CYP2D6: variants seen among roughly 807,000 people sequenced by gnomAD.
CYP2D6 encodes cytochrome P450 2D6.
A neutral mutation model predicts 43.5 loss-of-function variants in CYP2D6; 51 were observed. The observed-to-expected ratio is 1.17, with a 90% CI of 0.94 to 1.48. The LOEUF is 1.48. CYP2D6 is among the 40% of genes most tolerant of loss of function. The pLI is 0.00. For synonymous variants in CYP2D6, 346 were observed against 297.1 expected, an observed-to-expected ratio of 1.16 and a Z score of -1.69; for missense variants, 698 against 688.0, an observed-to-expected ratio of 1.01 and a Z score of -0.16.
chr22:42,127,543 C>T lies in CYP2D6; in HGVS notation c.1077G>A (p.Val359=), dbSNP rs775916878. 20 of 1,612,202 alleles carry T rather than the reference C, an allele frequency of 1.2e-5. No homozygotes were observed. The highest frequency in any genetic ancestry group is 1.7e-5 in the Non-Finnish European group (20 of 1,178,720). Residue 359 remains valine, a synonymous_variant, in exon 7 of 9, where the codon GTG becomes GTA. Transcript: ENST00000645361. Reference sequence around the variant, plus strand: ...CCCCAAAGCGCTGCACCTCATGAATCACGGCAGTGGTGTAGGGCATGTGAG... The same window carrying T: ...CCCCAAAGCGCTGCACCTCATGAATTACGGCAGTGGTGTAGGGCATGTGAG... ...DQAHMPYTTA[V]IHEVQRFGDI... is the part of the protein sequence containing the mutation.
rs267608295 is a variant in CYP2D6, at chr22:42,127,593, G to A, written c.1027C>T (p.Arg343Trp). Residue 343 changes from arginine to tryptophan, a missense_variant, in exon 7 of 9, where the codon CGG becomes TGG. Physicochemically the swap from Arg to Trp is moderately radical, Grantham distance 101. This residue lies in a region of CYP2D6 where 588 missense variants were observed against 521.1 expected (regional missense o/e 1.13). Coordinates refer to ENST00000645361, the MANE Select transcript of CYP2D6 (RefSeq NM_000106.6). ...QEIDDVIGQVRRPEMGDQAHM... is the reference protein window; with the variant it reads ...QEIDDVIGQVWRPEMGDQAHM... ...GCCTGGTCACCCATCTCTGGTCGCC[G>A]CACCTGCCCTATCACGTCGTCGATC... The A allele has an allele frequency of 3.0e-5, 48 of 1,611,916 alleles. No homozygotes were observed. Among genetic ancestry groups the A allele is most frequent in the South Asian group, 2.9e-4 (26 of 90,926 alleles).
At chr22:42,128,401 T>G in intron 4 of CYP2D6, 51 bp from the exon 5 acceptor site, 1 of 1,590,718 alleles carries the variant, frequency 6.3e-7, no homozygotes, top group Non-Finnish European at 8.6e-7. Context: ...TGCGTTCACC[T>G]GGACAAGTCT....
At chr22:42,128,016 A>G in intron 5 of CYP2D6, 33 bp from the exon 6 acceptor site, 1 of 1,611,108 alleles carries the variant, frequency 6.2e-7, no homozygotes. Context: ...TCGGGACAGA[A>G]CGGGGTAGCC....
rs267608300 is a variant in CYP2D6 at position 42,128,500 on chromosome 22, C to T, written c.667-150G>A. On this transcript the variant is annotated intron_variant, in intron 4 of 8. Coordinates refer to ENST00000645361, the MANE Select transcript of CYP2D6 (RefSeq NM_000106.6). The stretch of plus-strand genomic sequence containing the variant: ...TCCCTCCCCAAGTGCCAGCCTCCAC[C>T]CTCTCTCCTTGCCCAGAGGAGAAAC... 4,568 of 1,013,822 alleles carry T rather than the reference C, an allele frequency of 4.5e-3. 131 individuals carry two copies. The highest frequency in any genetic ancestry group is 5.7e-3 in the Non-Finnish European group (3,715 of 655,726). The allele number at this position is 1,013,822 out of a possible 1,614,324, so 62.8% of individuals were successfully genotyped here. A position where few individuals can be genotyped will look rare whatever the true frequency, so the allele number is the denominator to read the frequency against.
chr22:42,128,028 C>G, intron 5 of CYP2D6, 45 bp from the exon 6 acceptor site: 1 of 1,610,304 alleles, frequency 6.2e-7, no homozygotes. Context: ...GGGGTAGCCC[C>G]CAAATGACCT....
chr22:42,129,416 G>T, intron 2 of CYP2D6: 1 of 777,474 alleles, frequency 1.3e-6, no homozygotes. Context: ...GACCCCGCGG[G>T]CCCCGCGCCA....
At chr22:42,129,615 G>C in intron 2 of CYP2D6, 123 bp downstream of exon 2, 1 of 1,344,416 alleles carries the variant, frequency 7.4e-7, no homozygotes, top group South Asian at 1.2e-5. Flanking sequence ...TTCTTGGCCC[G>C]CTGTCCCCAC....
Position 42,128,767 on chromosome 22 carries a change from G to A in CYP2D6, c.666+17C>T, listed in dbSNP as rs762513657. ...GGAGCTCGCCCTGCAGAGACTCCTCGGTCTCTCGCTCCGCACCTCGCGCAG... is the reference window on the plus strand; with the variant it reads ...GGAGCTCGCCCTGCAGAGACTCCTCAGTCTCTCGCTCCGCACCTCGCGCAG... On this transcript the variant is annotated intron_variant, in intron 4 of 8. Coordinates refer to ENST00000645361, the MANE Select transcript of CYP2D6 (RefSeq NM_000106.6). 21 of 1,565,032 alleles carry A rather than the reference G, an allele frequency of 1.3e-5. No homozygotes were observed. Among genetic ancestry groups the A allele is most frequent in the South Asian group, 1.0e-4 (9 of 87,506 alleles).
intron 2 of CYP2D6, chr22:42,129,400 A>G: frequency 1.2e-6 from 1 of 818,966 alleles, no homozygotes; most frequent in Non-Finnish European, 2.0e-6. Flanking sequence ...CTTTGCACTC[A>G]GGGAAGACCC....
chr22:42,129,533 G>C, intron 2 of CYP2D6: 2 of 777,522 alleles, frequency 2.6e-6, no homozygotes, highest in South Asian at 3.3e-5. Flanking sequence ...GCCAGGTCTC[G>C]GCAGTGGCCC....
At chr22:42,128,761 C>G in intron 4 of CYP2D6, 23 bp downstream of exon 4, 1 of 1,596,526 alleles carries the variant, frequency 6.3e-7, no homozygotes, top group Non-Finnish European at 8.5e-7. Context: ...CCTGCAGAGA[C>G]TCCTCGGTCT....
intron 2 of CYP2D6, chr22:42,129,469 CTTCGACACCGGA>C (rs1289671740): frequency 2.7e-6 from 2 of 729,016 alleles, no homozygotes; most frequent in African/African-American, 3.5e-5. Context: ...CCGCCCCCCA[CTTCGACACCGGA>C]TTCCAGCTGG....
In CYP2D6 at chr22:42,128,209, C is replaced by G. The variant is rs1324411980; in HGVS notation, c.808G>C (p.Asp270His). Residue 270 changes from aspartate (D) to histidine (H), a missense_variant, in exon 5 of 9, where the codon GAC (aspartate) becomes CAC (histidine). Asp to His is a moderately conservative substitution (Grantham distance 81, BLOSUM62 -1). Transcript: ENST00000645361. ...TCTGCCAGGAAGGCCTCAGTCAGGT[C>G]TCGGGGGGGCTGGGCTGGGTCCCAG... ...MTWDPAQPPR[D>H]LTEAFLAEME... The G allele has an allele frequency of 6.2e-7, 1 of 1,609,388 alleles. No individual in the cohort carries two copies. The highest frequency in any genetic ancestry group is 8.5e-7 in the Non-Finnish European group (1 of 1,177,598).
chr22:42,129,769 G>T lies in CYP2D6; in HGVS notation c.321C>A (p.Thr107=). Residue 107 remains threonine (T), a synonymous_variant, in exon 2 of 9, where the codon ACC becomes ACA. Transcript: ENST00000645361. ...DTADRPPVPI[T]QILGFGPRSQ... ...AACGCGGCCCGAAACCCAGGATCTGGGTGATGGGCACAGGCGGGCGGTCGG... is the reference window on the plus strand; with the variant it reads ...AACGCGGCCCGAAACCCAGGATCTGTGTGATGGGCACAGGCGGGCGGTCGG... The T allele has an allele frequency of 2.5e-6, 4 of 1,609,734 alleles. No individual in the cohort carries two copies. Among genetic ancestry groups the T allele is most frequent in the Non-Finnish European group, 3.4e-6 (4 of 1,178,110 alleles).
intron 2 of CYP2D6, chr22:42,129,476 A>T: frequency 1.4e-6 from 1 of 721,056 alleles, no homozygotes; most frequent in Non-Finnish European, 2.4e-6. Flanking sequence ...CCACTTCGAC[A>T]CCGGATTCCA....
intron 4 of CYP2D6, 152 bp downstream of exon 4, chr22:42,128,632 C>G (rs1931395043): frequency 4.2e-6 from 4 of 956,542 alleles, no homozygotes; most frequent in Non-Finnish European, 6.5e-6. Context: ...GAGATGTCCC[C>G]TCCTCCTCCA....
In CYP2D6 at chr22:42,129,292, T is replaced by G. The variant is rs975260299; in HGVS notation, c.353-107A>C. The G allele has an allele frequency of 1.1e-4, 152 of 1,407,666 alleles. 2 individuals are homozygous for G. Among genetic ancestry groups the G allele is most frequent in the Non-Finnish European group, 1.4e-4 (144 of 1,024,118 alleles). The allele number at this position is 1,407,666 out of a possible 1,614,324, so 87.2% of individuals were successfully genotyped here. On this transcript the variant is annotated intron_variant, in intron 2 of 8. Coordinates refer to ENST00000645361, the MANE Select transcript of CYP2D6 (RefSeq NM_000106.6). ...CCTGGTCTCCCGCAGTCCCTGGCTCTGTCCAGCTGGTCACAGGGCCCACTC... is the reference window on the plus strand; with the variant it reads ...CCTGGTCTCCCGCAGTCCCTGGCTCGGTCCAGCTGGTCACAGGGCCCACTC...
rs1931415664 is a variant in CYP2D6 at position 42,128,713 on chromosome 22, A to G, written c.666+71T>C. 4 of 1,530,258 alleles carry G rather than the reference A, an allele frequency of 2.6e-6. No individual in the cohort carries two copies. In the African/African-American group the frequency reaches 5.6e-5, roughly 21 times the overall value. The allele number at this position is 1,530,258 out of a possible 1,614,324, so 94.8% of individuals were successfully genotyped here. Reference sequence around the variant, plus strand: ...CATCTATGCAAATCCTGCTCTTCCGAGGCCCCAGTCCAGCCCCGGCACCTC... The same window carrying G: ...CATCTATGCAAATCCTGCTCTTCCGGGGCCCCAGTCCAGCCCCGGCACCTC... On this transcript the variant is annotated intron_variant, in intron 4 of 8. Transcript: ENST00000645361.
rs757236950 is a variant in CYP2D6, at chr22:42,128,271, G to C, written c.746C>G (p.Thr249Ser). 6.2e-7 allele frequency: 1 copy of C among 1,610,642 alleles called. No homozygotes were observed. Among genetic ancestry groups the C allele is most frequent in the Non-Finnish European group, 8.5e-7 (1 of 1,177,958 alleles). ...KVLRFQKAFL[T>S]QLDELLTEHR... is the part of the protein sequence containing the mutation. ...CTCAGTTAGCAGCTCATCCAGCTGG[G>C]TCAGGAAAGCCTTTTGGAAGCGTAG... Residue 249 changes from threonine (T) to serine (S), a missense_variant, in exon 5 of 9, where the codon ACC becomes AGC. By Grantham distance (58) the Thr-to-Ser change is moderately conservative. Around this residue, in one of 5 missense-constraint regions of CYP2D6, gnomAD observed 588 missense variants for 521.1 expected, o/e 1.13. Transcript: ENST00000645361.
Sources: gnomAD v4.1 joint callset for allele counts on GRCh38, gnomAD v4.1.1 for gene constraint, gnomAD v4.1.1 regional missense constraint, MANE v1.5 for transcripts, NCBI Gene and HGNC (gene_info 2026-07-23, HGNC 2026-07-21) for gene names.